RASSF8: variants seen among roughly 807,000 people sequenced by gnomAD.
RASSF8 encodes Ras association domain family member 8.
RASSF8 carries 22 observed loss-of-function variants against 48.5 expected under a neutral mutation model. The observed-to-expected ratio is 0.45, with a 90% CI of 0.32 to 0.65. The LOEUF (loss-of-function observed/expected upper bound fraction) is 0.65. Among genes scored for constraint, RASSF8 ranks in the 30% least tolerant of loss-of-function variants. The pLI, the probability that RASSF8 is intolerant of heterozygous loss-of-function variation, is 0.03. For synonymous variants in RASSF8, 127 were observed against 171.5 expected (o/e 0.74, Z 2.03); for missense variants, 418 against 489.2 (o/e 0.85, Z 1.37).
chr12:26,006,569 G>A (rs1362247858), intron 2 of RASSF8, among the ~76,000 whole-genome samples: 1 of 152,166 alleles, frequency 6.6e-6, no homozygotes, highest in Non-Finnish European at 1.5e-5. Context: ...TATACAAGTG[G>A]ACTTTCAGTC....
At position 26,055,435 on chromosome 12, in the gene RASSF8, C is replaced by G. The variant is rs1315157400; in HGVS notation, c.92C>G (p.Ala31Gly). The G allele has an allele frequency of 1.9e-6, 3 of 1,613,398 alleles. No homozygotes were observed. Among genetic ancestry groups the G allele is most frequent in the Non-Finnish European group, 2.5e-6 (3 of 1,179,330 alleles). Residue 31 changes from alanine to glycine, a missense_variant, in exon 3 of 6, where the codon GCT becomes GGT. Transcript: ENST00000689635. ...TGCCAGGAGGTTGTCATAGCCTTAG[C>G]TCAAGCAATAGGTGAGTGAACTCTG... ...TTCQEVVIAL[A>G]QAIGRTGRYT...
intron 2 of RASSF8, among the ~76,000 whole-genome samples, chr12:26,025,418 G>A (rs911969070): frequency 2.0e-5 from 3 of 152,088 alleles, no homozygotes; most frequent in African/African-American, 4.8e-5. Context: ...TTAGCCAGGC[G>A]TGTTGGCGGG....
intron 1 of RASSF8, among the ~76,000 whole-genome samples, chr12:25,994,278 TAA>T (rs57936692): frequency 0.18 from 24,866 of 138,940 alleles, 2,386 homozygotes; most frequent in East Asian, 0.4. Context: ...GATAGATTTT[TAA>T]AAAAAAAAAA....
chr12:25,990,075 C>A (rs2643941), intron 1 of RASSF8, among the ~76,000 whole-genome samples: 12,172 of 152,130 alleles, frequency 0.08, 793 homozygotes, highest in East Asian at 0.24. Flanking sequence ...TTGTTGAGTG[C>A]CTATTATTAC....
chr12:26,002,062 A>G (rs1009086864), intron 2 of RASSF8, among the ~76,000 whole-genome samples: 1 of 152,366 alleles, frequency 6.6e-6, no homozygotes, highest in African/African-American at 2.4e-5. Flanking sequence ...TAATGGGGCT[A>G]TATGTGGTCC....
chr12:25,971,362 G>A (rs539738134), intron 1 of RASSF8, among the ~76,000 whole-genome samples: 10 of 152,238 alleles, frequency 6.6e-5, no homozygotes, highest in Non-Finnish European at 7.4e-5. Context: ...AAGGAGCCTT[G>A]GTTATGCACA....
chr12:26,010,702 T>C (rs1296498963), intron 2 of RASSF8, among the ~76,000 whole-genome samples: 1 of 152,082 alleles, frequency 6.6e-6, no homozygotes, highest in East Asian at 1.9e-4. Flanking sequence ...GAGGAGGATG[T>C]GGTGAGGAGG....
chr12:26,032,683 A>C lies in RASSF8; in HGVS notation c.-108-22553A>C, dbSNP rs1261473412. ...AAATCTATTAAAAGTGAAAAGAGCT[A>C]GATAGATTTCATTAGCATGCGTAAT... On this transcript the variant is annotated intron_variant, in intron 2 of 5. Coordinates refer to ENST00000689635, the MANE Select transcript of RASSF8 (RefSeq NM_001394098.1). Among the ~76,000 whole-genome samples, 6 of 152,340 alleles carry C rather than the reference A, an allele frequency of 3.9e-5. No individual in the cohort carries two copies. In the South Asian group the frequency reaches 1.2e-3, roughly 32 times the overall value.
chr12:26,057,743 A>G (rs1943639909), intron 3 of RASSF8, among the ~76,000 whole-genome samples: 1 of 152,232 alleles, frequency 6.6e-6, no homozygotes, highest in Admixed American at 6.5e-5. Context: ...CAGTCCCACC[A>G]ACAGTGTAAA....
intron 2 of RASSF8, among the ~76,000 whole-genome samples, chr12:26,034,178 G>A (rs116880376): frequency 0.011 from 1,701 of 152,188 alleles, 15 homozygotes; most frequent in Non-Finnish European, 0.019. Context: ...TGGTAAGCAC[G>A]TGGCACACTG....
Position 26,072,067 on chromosome 12 carries a change from G to A in RASSF8, c.*3249G>A. On this transcript the variant is annotated 3_prime_UTR_variant, in exon 6 of 6. Transcript: ENST00000689635. ...GAAAAGACAAAAACTTTTGATTTCA[G>A]GCATGCAAAGTGCTTGGGCAGATGG... 1.0e-6 allele frequency: 1 copy of A among 985,374 alleles called. No homozygotes were observed. The highest frequency in any genetic ancestry group is 1.2e-6 in the Non-Finnish European group (1 of 829,882). The allele number at this position is 985,374 out of a possible 1,614,324, so 61.0% of individuals were successfully genotyped here. A position where few individuals can be genotyped will look rare whatever the true frequency, so the allele number is the denominator to read the frequency against.
At chr12:26,030,394 A>G (rs1412843664) in intron 2 of RASSF8, among the ~76,000 whole-genome samples, 1 of 152,194 alleles carries the variant, frequency 6.6e-6, no homozygotes, top group African/African-American at 2.4e-5. Flanking sequence ...CATTCCATGT[A>G]ATTGTGCTTG....
At chr12:26,012,682 CTTT>C (rs775400464) in intron 2 of RASSF8, among the ~76,000 whole-genome samples, 8 of 131,776 alleles carry the variant, frequency 6.1e-5, no homozygotes, top group African/African-American at 8.5e-5. Context: ...GGCCTTTTTT[CTTT>C]TTTTTTTTTT....
intron 3 of RASSF8, among the ~76,000 whole-genome samples, chr12:26,057,025 A>G (rs1490124649): frequency 1.3e-5 from 2 of 151,084 alleles, no homozygotes; most frequent in Non-Finnish European, 3.0e-5. Context: ...CTAAAAAAGA[A>G]AAAAAAAAGT....
At position 26,068,983 on chromosome 12, in the gene RASSF8, T is replaced by C; in HGVS notation, c.*165T>C. On this transcript the variant is annotated 3_prime_UTR_variant, in exon 6 of 6. Transcript: ENST00000689635. ...GGAGCCATACCCTGTGCACTGATGC[T>C]AAAGAACAAAGAAACTGTGTTTTCA... is the stretch of plus-strand genomic sequence containing the variant. 1.5e-6 allele frequency: 2 copies of C among 1,356,474 alleles called. No homozygotes were observed. The highest frequency in any genetic ancestry group is 1.9e-6 in the Non-Finnish European group (2 of 1,053,572). The allele number at this position is 1,356,474 out of a possible 1,614,324, so 84.0% of individuals were successfully genotyped here. A position where few individuals can be genotyped will look rare whatever the true frequency, so the allele number is the denominator to read the frequency against.
intron 2 of RASSF8, among the ~76,000 whole-genome samples, chr12:26,047,532 C>G (rs1280631860): frequency 6.6e-6 from 1 of 152,220 alleles, no homozygotes; most frequent in Admixed American, 6.5e-5. Context: ...CTGCCGTCAC[C>G]TGTGCATGGG....
chr12:26,036,264 A>C (rs150899862), intron 2 of RASSF8, among the ~76,000 whole-genome samples: 42 of 152,112 alleles, frequency 2.8e-4, no homozygotes, highest in African/African-American at 1.0e-3. Context: ...ATTGGAGGGC[A>C]CATCGGGGGA....
chr12:25,968,411 C>T (rs1427656530), intron 1 of RASSF8, among the ~76,000 whole-genome samples: 5 of 152,164 alleles, frequency 3.3e-5, no homozygotes, highest in Admixed American at 2.0e-4. Context: ...GGCACGATCT[C>T]GGCTCACTGC....
At chr12:26,026,113 C>T (rs1325674220) in intron 2 of RASSF8, among the ~76,000 whole-genome samples, 1 of 152,012 alleles carries the variant, frequency 6.6e-6, no homozygotes, top group Non-Finnish European at 1.5e-5. Context: ...GTGCAAGCAA[C>T]AAAAGAAAAG....
Sources: allele counts gnomAD v4.1 joint callset (sites outside exome capture counted in the v4.1 genomes callset), GRCh38; gene constraint gnomAD v4.1.1; transcripts MANE v1.5; gene names NCBI Gene and HGNC (gene_info 2026-07-23, HGNC 2026-07-21).